Variants in DAOA observed in about 807,000 individuals in gnomAD.
DAOA encodes D-amino acid oxidase regulator.
A neutral mutation model predicts 16.4 loss-of-function variants in DAOA; 15 were observed. The ratio of observed to expected loss-of-function variants is 0.91; its 90% confidence interval spans 0.61 to 1.41. The LOEUF (loss-of-function observed/expected upper bound fraction) is 1.41. DAOA is among the 40% of genes most tolerant of loss of function. The pLI is 0.00. For synonymous variants in DAOA, 75 were observed against 59.1 expected, an observed-to-expected ratio of 1.27 and a Z score of -1.23; for missense variants, 230 against 176.8, an observed-to-expected ratio of 1.30 and a Z score of -1.71.
At chr13:105,487,657 T>C (rs1211598967) in intron 4 of DAOA, among the ~76,000 whole-genome samples, 1 of 151,908 alleles carries the variant, frequency 6.6e-6, no homozygotes, top group Non-Finnish European at 1.5e-5. Context: ...ATAATCATTA[T>C]TTGAAGTGAA....
intron 4 of DAOA, among the ~76,000 whole-genome samples, chr13:105,479,789 A>G (rs1877580355): frequency 6.6e-6 from 1 of 152,196 alleles, no homozygotes; most frequent in South Asian, 2.1e-4. Context: ...CACCATTTAA[A>G]CCAGTAGAGA....
intron 3 of DAOA, among the ~76,000 whole-genome samples, chr13:105,470,508 G>A (rs1876854920): frequency 6.6e-6 from 1 of 152,086 alleles, no homozygotes; most frequent in Non-Finnish European, 1.5e-5. Flanking sequence ...AATTATAGAA[G>A]CTAGACGGTA....
At chr13:105,470,948 G>A (rs1244855841) in intron 3 of DAOA, among the ~76,000 whole-genome samples, 4 of 152,230 alleles carry the variant, frequency 2.6e-5, no homozygotes, top group African/African-American at 9.6e-5. Flanking sequence ...CCACCACCAA[G>A]CCTGGCTAAT....
chr13:105,472,054 G>A (rs995817446), intron 3 of DAOA, among the ~76,000 whole-genome samples: 7 of 152,126 alleles, frequency 4.6e-5, no homozygotes, highest in Non-Finnish European at 1.0e-4. Context: ...AAACTACCTT[G>A]TGGTCAACAC....
At chr13:105,483,497 T>C (rs962200303) in intron 4 of DAOA, among the ~76,000 whole-genome samples, 7 of 152,206 alleles carry the variant, frequency 4.6e-5, no homozygotes, top group African/African-American at 1.7e-4. Context: ...TTCTAGTTTC[T>C]CCATATTCTC....
chr13:105,480,571 G>GATAGATAGATAA (rs1555306725), intron 4 of DAOA, among the ~76,000 whole-genome samples: 1 of 149,964 alleles, frequency 6.7e-6, no homozygotes, highest in South Asian at 2.1e-4. Flanking sequence ...TAGATAGATA[G>GATAGATAGATAA]CATTTGTTAG....
rs750796395 is a variant in DAOA at position 105,470,283 on chromosome 13, T to C, written c.134-2255T>C. Among the ~76,000 whole-genome samples the C allele has an allele frequency of 1.9e-4, 29 of 152,124 alleles. 1 individual carries two copies. Among genetic ancestry groups the C allele is most frequent in the Non-Finnish European group, 4.3e-4 (29 of 68,002 alleles). ...TTAAGCACACTGTCCTCATATAAAATGCTATTCTTTTCCAGTTTTGGGGAA... is the reference window on the plus strand; with the variant it reads ...TTAAGCACACTGTCCTCATATAAAACGCTATTCTTTTCCAGTTTTGGGGAA... On this transcript the variant is annotated intron_variant, in intron 3 of 5. Transcript: ENST00000375936.
intron 4 of DAOA, 124 bp from the exon 5 acceptor site, chr13:105,489,777 C>A: frequency 6.3e-7 from 1 of 1,599,652 alleles, no homozygotes; most frequent in African/African-American, 1.3e-5. Context: ...ACCCCTTACC[C>A]TTGAATGTGG....
Position 105,467,069 on chromosome 13 carries a change from G to T in DAOA, c.61G>T (p.Gly21Cys). Residue 21 changes from glycine (G) to cysteine (C), a missense_variant, in exon 3 of 6, where the codon GGT (glycine) becomes TGT (cysteine). Transcript: ENST00000375936. ...AATTTTTAGATCCAGATATACATTG[G>T]GTAAAATCTACTTCATAGGTTTTCA... Reference protein sequence around the residue: ...LQLFRSRYTLGKIYFIGFQRS... With the variant: ...LQLFRSRYTLCKIYFIGFQRS... 1.2e-6 allele frequency: 2 copies of T among 1,610,506 alleles called. No individual in the cohort carries two copies. Among genetic ancestry groups the T allele is most frequent in the African/African-American group, 2.7e-5 (2 of 74,906 alleles).
intron 4 of DAOA, among the ~76,000 whole-genome samples, chr13:105,474,080 G>C (rs1277306393): frequency 6.6e-6 from 1 of 151,930 alleles, no homozygotes; most frequent in African/African-American, 2.4e-5. Context: ...ATTTATCCGT[G>C]TTGAATATTT....
intron 3 of DAOA, among the ~76,000 whole-genome samples, chr13:105,469,512 T>C (rs1876776841): frequency 6.6e-6 from 1 of 152,192 alleles, no homozygotes; most frequent in African/African-American, 2.4e-5. Context: ...GACACATAGA[T>C]GAAGGGGATA....
At chr13:105,476,739 T>A (rs1325234577) in intron 4 of DAOA, among the ~76,000 whole-genome samples, 1 of 152,052 alleles carries the variant, frequency 6.6e-6, no homozygotes, top group Non-Finnish European at 1.5e-5. Context: ...ACCCAAGGCA[T>A]ATGATTGAGT....
intron 4 of DAOA, among the ~76,000 whole-genome samples, chr13:105,485,391 G>A (rs539876475): frequency 1.8e-4 from 28 of 152,234 alleles, no homozygotes; most frequent in South Asian, 6.2e-4. Context: ...GAAGAAACCT[G>A]GAAGTCAACC....
In DAOA at chr13:105,466,311, C is replaced by T; in HGVS notation, c.23C>T (p.Ala8Val). 6.2e-7 allele frequency: 1 copy of T among 1,613,994 alleles called. No individual in the cohort carries two copies. Among genetic ancestry groups the T allele is most frequent in the East Asian group, 2.2e-5 (1 of 44,872 alleles). Residue 8 changes from alanine to valine, a missense_variant, in exon 2 of 6, where the codon GCT becomes GTT. Transcript: ENST00000375936. The part of the protein sequence containing the change: MLEKLMG[A>V]DSLQLFRSRY... Reference sequence around the variant, plus strand: ...AAAATGCTGGAAAAGCTGATGGGTGCTGATTCTCTCCAGCTTTTCAGGTAG... The same window carrying T: ...AAAATGCTGGAAAAGCTGATGGGTGTTGATTCTCTCCAGCTTTTCAGGTAG...
intron 4 of DAOA, among the ~76,000 whole-genome samples, chr13:105,476,063 G>A (rs936518947): frequency 2.0e-5 from 3 of 151,742 alleles, no homozygotes; most frequent in Non-Finnish European, 4.4e-5. Flanking sequence ...TTTATTGGAG[G>A]GTCTCATTCT....
At chr13:105,485,766 G>A (rs970248026) in intron 4 of DAOA, among the ~76,000 whole-genome samples, 3 of 152,112 alleles carry the variant, frequency 2.0e-5, no homozygotes, top group African/African-American at 7.2e-5. Flanking sequence ...GAAGAACACC[G>A]TGATGATGGA....
chr13:105,474,281 G>T (rs560252262), intron 4 of DAOA, among the ~76,000 whole-genome samples: 2 of 152,148 alleles, frequency 1.3e-5, no homozygotes, highest in African/African-American at 4.8e-5. Flanking sequence ...TAGGAAGACA[G>T]AAATTGTTTC....
chr13:105,474,624 C>T (rs1877217256), intron 4 of DAOA, among the ~76,000 whole-genome samples: 1 of 151,996 alleles, frequency 6.6e-6, no homozygotes, highest in Non-Finnish European at 1.5e-5. Flanking sequence ...AGCAAATGTG[C>T]ATCTAAAACA....
At chr13:105,488,053 C>T (rs9583004) in intron 4 of DAOA, among the ~76,000 whole-genome samples, 2 of 152,052 alleles carry the variant, frequency 1.3e-5, no homozygotes, top group African/African-American at 2.4e-5. Flanking sequence ...CTTAAAAGCA[C>T]GGGAACTTAT....
Sources: allele counts gnomAD v4.1 joint callset (sites outside exome capture counted in the v4.1 genomes callset), GRCh38; gene constraint gnomAD v4.1.1; transcripts MANE v1.5; gene names NCBI Gene and HGNC (gene_info 2026-07-23, HGNC 2026-07-21).